The following MAML2 variants were observed in gnomAD, a reference collection of about 807,000 sequenced individuals.
MAML2 encodes the protein mastermind like transcriptional coactivator 2.
MAML2 carries 22 observed loss-of-function variants against 96.1 expected under a neutral mutation model. The observed-to-expected ratio is 0.23, with a 90% confidence interval of 0.16 to 0.33. MAML2 has a LOEUF of 0.33. MAML2 is among the 10% of genes least tolerant of loss of function. The pLI is 1.00. For synonymous variants in MAML2, 561 were observed against 521.3 expected (o/e 1.08, Z -1.04); for missense variants, 1,367 against 1,392.4 (o/e 0.98, Z 0.29).
intron 1 of MAML2, among the ~76,000 whole-genome samples, chr11:96,331,643 CA>C (rs557874088): frequency 5.5e-5 from 8 of 145,298 alleles, no homozygotes; most frequent in Admixed American, 1.4e-4. Flanking sequence ...ACTAAAAATA[CA>C]AAAAAAAAAG....
chr11:96,009,574 A>G (rs933092303), intron 2 of MAML2, among the ~76,000 whole-genome samples: 18 of 152,318 alleles, frequency 1.2e-4, no homozygotes, highest in African/African-American at 4.3e-4. Flanking sequence ...GTCAAATCTA[A>G]CATTAGTAGA....
At chr11:96,066,013 G>A (rs938351348) in intron 2 of MAML2, among the ~76,000 whole-genome samples, 2 of 152,164 alleles carry the variant, frequency 1.3e-5, no homozygotes, top group Non-Finnish European at 2.9e-5. Flanking sequence ...CTCTTCTAAA[G>A]AAAGACTGAA....
chr11:96,024,736 G>T (rs2135739955), intron 2 of MAML2, among the ~76,000 whole-genome samples: 1 of 152,252 alleles, frequency 6.6e-6, no homozygotes, highest in East Asian at 1.9e-4. Context: ...GAACTTCTCG[G>T]AACGGTTCTG....
intron 1 of MAML2, among the ~76,000 whole-genome samples, chr11:96,293,953 G>A (rs1863251180): frequency 6.6e-6 from 1 of 152,144 alleles, no homozygotes; most frequent in Admixed American, 6.5e-5. Context: ...TTTAACCTTG[G>A]CTGTTCAGGC....
At chr11:96,091,759 A>G (rs1444669405) in intron 2 of MAML2, 133 bp downstream of exon 2, 2 of 1,333,446 alleles carry the variant, frequency 1.5e-6, no homozygotes, top group East Asian at 2.5e-5. Flanking sequence ...TGAGGTCTTC[A>G]TATGACTCCA....
intron 1 of MAML2, among the ~76,000 whole-genome samples, chr11:96,245,746 C>A (rs1862502667): frequency 6.7e-6 from 1 of 149,886 alleles, no homozygotes; most frequent in African/African-American, 2.4e-5. Context: ...ACTCTGTTGC[C>A]CAGGCTGGAG....
intron 2 of MAML2, among the ~76,000 whole-genome samples, chr11:96,081,891 T>C (rs1859534167): frequency 6.6e-6 from 1 of 152,234 alleles, no homozygotes; most frequent in Non-Finnish European, 1.5e-5. Flanking sequence ...TTTGAAGTAA[T>C]ATATAAATTC....
chr11:96,057,910 C>T (rs1055487544), intron 2 of MAML2, among the ~76,000 whole-genome samples: 8 of 152,296 alleles, frequency 5.3e-5, no homozygotes, highest in East Asian at 1.9e-4. Flanking sequence ...TAGAACTTTC[C>T]GGGTTTCTCT....
chr11:96,044,545 A>G (rs374988386), intron 2 of MAML2, among the ~76,000 whole-genome samples: 1 of 152,162 alleles, frequency 6.6e-6, no homozygotes, highest in East Asian at 1.9e-4. Flanking sequence ...CCTAGGAGAA[A>G]CCTTAATCTT....
intron 1 of MAML2, among the ~76,000 whole-genome samples, chr11:96,282,248 CAAAA>C (rs546246324): frequency 7.3e-6 from 1 of 136,892 alleles, no homozygotes; most frequent in Admixed American, 7.2e-5. Flanking sequence ...GACTCCATCT[CAAAA>C]AAAAAATAAT....
At chr11:96,273,647 T>C (rs2135981106) in intron 1 of MAML2, among the ~76,000 whole-genome samples, 1 of 152,274 alleles carries the variant, frequency 6.6e-6, no homozygotes, top group East Asian at 1.9e-4. Flanking sequence ...GTTTAGTCTA[T>C]GTAGTAGTTA....
intron 1 of MAML2, among the ~76,000 whole-genome samples, chr11:96,296,186 C>T (rs1387898490): frequency 1.3e-5 from 2 of 152,092 alleles, no homozygotes; most frequent in Non-Finnish European, 2.9e-5. Context: ...CAGGCACACA[C>T]CATCATACTC....
At chr11:96,337,732 T>C (rs1160696992) in intron 1 of MAML2, among the ~76,000 whole-genome samples, 1 of 152,232 alleles carries the variant, frequency 6.6e-6, no homozygotes, top group Non-Finnish European at 1.5e-5. Flanking sequence ...GAAAGCTGAG[T>C]ATACATTTAA....
At chr11:96,291,241 T>C (rs1381316196) in intron 1 of MAML2, among the ~76,000 whole-genome samples, 6 of 148,102 alleles carry the variant, frequency 4.1e-5, no homozygotes, top group African/African-American at 1.5e-4. Context: ...TTCTCCTGCC[T>C]CAGCCTCCTG....
At chr11:96,149,655 A>T (rs1361328264) in intron 1 of MAML2, among the ~76,000 whole-genome samples, 3 of 151,718 alleles carry the variant, frequency 2.0e-5, no homozygotes, top group Non-Finnish European at 4.4e-5. Flanking sequence ...TTGCTTTTGA[A>T]CCCAGTAGGC....
At chr11:96,272,084 G>T (rs1862923375) in intron 1 of MAML2, among the ~76,000 whole-genome samples, 1 of 152,098 alleles carries the variant, frequency 6.6e-6, no homozygotes, top group South Asian at 2.1e-4. Context: ...CCTTCTCAGT[G>T]AGGCTTCTAT....
chr11:96,141,883 C>T (rs1860736240), intron 1 of MAML2, among the ~76,000 whole-genome samples: 2 of 152,226 alleles, frequency 1.3e-5, no homozygotes, highest in Non-Finnish European at 2.9e-5. Context: ...GCTGTCTCTG[C>T]AGGTGCTAGC....
chr11:96,187,627 C>T lies in MAML2; in HGVS notation c.514-94110G>A, dbSNP rs117077999. Among the ~76,000 whole-genome samples the T allele has an allele frequency of 3.3e-5, 5 of 152,132 alleles. No individual in the cohort carries two copies. The East Asian group carries it at 7.7e-4, about 24-fold the overall frequency. ...ATGGAGACCATCTTGGCCAACATCT[C>T]TAGTAAAAATACAAAAATTAGCTGG... is the stretch of plus-strand genomic sequence containing the variant. On this transcript the variant is annotated intron_variant, in intron 1 of 4. Coordinates refer to ENST00000524717, the MANE Select transcript of MAML2 (RefSeq NM_032427.4).
At chr11:96,026,221 G>A (rs766553396) in intron 2 of MAML2, among the ~76,000 whole-genome samples, 3 of 152,230 alleles carry the variant, frequency 2.0e-5, no homozygotes, top group Non-Finnish European at 4.4e-5. Flanking sequence ...AGTGTTCAAA[G>A]AAGAGGAATC....
Sources: gnomAD v4.1 joint callset for allele counts (sites outside exome capture counted in the v4.1 genomes callset) on GRCh38, gnomAD v4.1.1 for gene constraint, MANE v1.5 for transcripts, NCBI Gene and HGNC (gene_info 2026-07-23, HGNC 2026-07-21) for gene names.